Variants in CACNA2D4 observed in about 807,000 individuals in gnomAD.
CACNA2D4 encodes calcium voltage-gated channel auxiliary subunit alpha2delta 4.
A neutral mutation model predicts 163.8 loss-of-function variants in CACNA2D4; 157 were observed. The ratio of observed to expected loss-of-function variants is 0.96; its 90% CI spans 0.84 to 1.09. The LOEUF is 1.09. Among genes scored for constraint, CACNA2D4 ranks in the 50% least tolerant of loss-of-function variants. The probability of loss-of-function intolerance (pLI) is 0.00; values close to 1 mark genes in which losing one functional copy is unlikely to be tolerated. For missense variants in CACNA2D4, 1,410 were observed against 1,479.9 expected (o/e 0.95, Z 0.78); for synonymous variants, 598 against 586.9 (o/e 1.02, Z -0.27).
chr12:1,805,958 C>T (rs1363888008), intron 29 of CACNA2D4, among the ~76,000 whole-genome samples: 2 of 152,216 alleles, frequency 1.3e-5, no homozygotes, highest in African/African-American at 2.4e-5. Context: ...GAAAGGCATG[C>T]CTGATGCCCC....
At chr12:1,849,670 T>G (rs1399335985) in intron 23 of CACNA2D4, among the ~76,000 whole-genome samples, 5 of 152,244 alleles carry the variant, frequency 3.3e-5, no homozygotes, top group African/African-American at 1.2e-4. Flanking sequence ...TCTGTATCCA[T>G]CTCCTTGTTC....
intron 3 of CACNA2D4, among the ~76,000 whole-genome samples, chr12:1,911,317 AT>A (rs926103974): frequency 1.3e-5 from 2 of 151,258 alleles, no homozygotes; most frequent in African/African-American, 2.4e-5. Flanking sequence ...GCCTGGCACA[AT>A]TTTTTTTTCT....
intron 29 of CACNA2D4, among the ~76,000 whole-genome samples, chr12:1,808,650 A>T (rs1012206180): frequency 2.6e-5 from 4 of 152,102 alleles, no homozygotes; most frequent in African/African-American, 9.7e-5. Flanking sequence ...TCCAGGATGC[A>T]AGCTCTCTCT....
intron 3 of CACNA2D4, among the ~76,000 whole-genome samples, chr12:1,911,490 A>T (rs1432359617): frequency 2.0e-5 from 3 of 151,936 alleles, no homozygotes; most frequent in Non-Finnish European, 4.4e-5. Flanking sequence ...ATTGGGTAGG[A>T]TAATTCCTGC....
Position 1,844,159 on chromosome 12 carries a change from AT to A in CACNA2D4, c.2470+242del, listed in dbSNP as rs1266197918. Among the ~76,000 whole-genome samples the A allele has an allele frequency of 5.3e-5, 8 of 152,250 alleles. No individual in the cohort carries two copies. The East Asian group carries it at 1.5e-3, about 29-fold the overall frequency. The stretch of plus-strand genomic sequence containing the variant: ...GCTGGGTTTTTAAACTCCAACTTTG[AT>A]GGCTGGCTAGGGAATCAAATGATCA... On this transcript the variant is annotated intron_variant, in intron 25 of 37. Coordinates refer to ENST00000382722, the MANE Select transcript of CACNA2D4 (RefSeq NM_172364.5). This position sits in a 1 kb window ranked among gnomAD's most constrained non-coding sequence, Gnocchi z 4.2.
chr12:1,823,462 G>T (rs1864192577), intron 26 of CACNA2D4, among the ~76,000 whole-genome samples: 1 of 152,098 alleles, frequency 6.6e-6, no homozygotes, highest in Non-Finnish European at 1.5e-5. Context: ...GTGCTAGCAG[G>T]GAGGCAGCTC....
intron 6 of CACNA2D4, among the ~76,000 whole-genome samples, chr12:1,906,162 A>G (rs1866654470): frequency 6.6e-6 from 1 of 152,226 alleles, no homozygotes; most frequent in Non-Finnish European, 1.5e-5. Flanking sequence ...ACCAAATACC[A>G]TATACAAAAA....
chr12:1,805,591 T>C (rs983218710), intron 29 of CACNA2D4, among the ~76,000 whole-genome samples: 1 of 151,472 alleles, frequency 6.6e-6, no homozygotes, highest in South Asian at 2.1e-4. Context: ...TCTTAAGGAG[T>C]GTTTTGGACA....
chr12:1,867,820 C>T (rs796686465), intron 18 of CACNA2D4, among the ~76,000 whole-genome samples: 7 of 147,426 alleles, frequency 4.7e-5, no homozygotes, highest in African/African-American at 1.9e-4. Flanking sequence ...CCTGAATAGA[C>T]CTTTCTCAAA....
chr12:1,814,636 C>T (rs1863818049), intron 26 of CACNA2D4, among the ~76,000 whole-genome samples: 1 of 152,206 alleles, frequency 6.6e-6, no homozygotes, highest in Non-Finnish European at 1.5e-5. Flanking sequence ...ACTTTCCCTC[C>T]TCCCATCCAA....
chr12:1,811,651 A>C lies in CACNA2D4; in HGVS notation c.2613+11T>G, dbSNP rs1187575651. ...GTCCCCAGCCCCGACCTGGCCCGACATCACACCTACCTGCCGCGTTGCCGC... is the reference window on the plus strand; with the variant it reads ...GTCCCCAGCCCCGACCTGGCCCGACCTCACACCTACCTGCCGCGTTGCCGC... On this transcript the variant is annotated intron_variant, in intron 27 of 37. Transcript: ENST00000382722. 6.4e-7 allele frequency: 1 copy of C among 1,558,990 alleles called. No individual in the cohort carries two copies. Among genetic ancestry groups the C allele is most frequent in the East Asian group, 2.4e-5 (1 of 41,152 alleles).
In CACNA2D4 at chr12:1,853,952, C is replaced by A. The variant is rs571231247; in HGVS notation, c.2245G>T (p.Glu749Ter). Residue 749 changes from glutamate (E) to a stop codon, truncating the protein, a stop_gained and splice_region_variant, in exon 23 of 38, where the codon GAG (glutamate) becomes TAG (stop). Coordinates refer to ENST00000382722, the MANE Select transcript of CACNA2D4 (RefSeq NM_172364.5). LOFTEE classifies it high-confidence loss of function. Reference protein sequence around the residue: ...YWTALALNMSEESEHVVDMAF... With the variant: ...YWTALALNMS ...GGGAACCTGGGAACCTGGACCTACT[C>A]GGACATGTTGAGGGCCAGCGCTGTC... 3 of 1,612,138 alleles carry A rather than the reference C, an allele frequency of 1.9e-6. No individual in the cohort carries two copies. Among genetic ancestry groups the A allele is most frequent in the East Asian group, 2.2e-5 (1 of 44,820 alleles).
At chr12:1,862,569 T>C (rs1865547990) in intron 18 of CACNA2D4, among the ~76,000 whole-genome samples, 1 of 152,230 alleles carries the variant, frequency 6.6e-6, no homozygotes, top group Non-Finnish European at 1.5e-5. Context: ...CACACCACCA[T>C]GCCCAGCTAA....
intron 26 of CACNA2D4, among the ~76,000 whole-genome samples, chr12:1,832,578 A>T (rs1252581916): frequency 1.3e-5 from 2 of 152,212 alleles, no homozygotes; most frequent in Non-Finnish European, 2.9e-5. Flanking sequence ...ACTTTCATTT[A>T]ATCTCCAGCC....
At chr12:1,825,947 G>A (rs1430282643) in intron 26 of CACNA2D4, among the ~76,000 whole-genome samples, 1 of 152,216 alleles carries the variant, frequency 6.6e-6, no homozygotes, top group Non-Finnish European at 1.5e-5. Flanking sequence ...AAGAGAGATT[G>A]TGCTGAAGGT....
intron 23 of CACNA2D4, among the ~76,000 whole-genome samples, chr12:1,849,923 A>G (rs2154448105): frequency 6.6e-6 from 1 of 152,346 alleles, no homozygotes; most frequent in South Asian, 2.1e-4. Context: ...TCACAGCTGC[A>G]TAGAATTCCA....
In CACNA2D4 at chr12:1,913,045, C is replaced by G. The variant is rs753921645; in HGVS notation, c.404G>C (p.Arg135Pro). ...KFSEDMENML[R>P]RKVEAVQNLV... ...TACCTGGACCGCCTCGACTTTCCTC[C>G]GCAGCATGTTCTCCATGTCCTCTGA... Residue 135 changes from arginine (R) to proline (P), a missense_variant, in exon 3 of 38, where the codon CGG becomes CCG. Coordinates refer to ENST00000382722, the MANE Select transcript of CACNA2D4 (RefSeq NM_172364.5). 5 of 1,613,402 alleles carry G rather than the reference C, an allele frequency of 3.1e-6. No homozygotes were observed. The highest frequency in any genetic ancestry group is 4.2e-6 in the Non-Finnish European group (5 of 1,179,414).
At position 1,792,158 on chromosome 12, in the gene CACNA2D4, C is replaced by G. The variant is rs188409584; in HGVS notation, c.*1497G>C. On this transcript the variant is annotated 3_prime_UTR_variant, in exon 38 of 38. Transcript: ENST00000382722. ...GGGGCTGTTGTGAGGATGGAATGAGCTGAAACATGTTATTTGGTACATGTA... is the reference window on the plus strand; with the variant it reads ...GGGGCTGTTGTGAGGATGGAATGAGGTGAAACATGTTATTTGGTACATGTA... 24 of 152,298 alleles carry G rather than the reference C, an allele frequency of 1.6e-4. 1 individual carries two copies. The East Asian group carries it at 4.4e-3, about 28-fold the overall frequency. The allele number at this position is 152,298 out of a possible 1,614,324, so 9.4% of individuals were successfully genotyped here.
chr12:1,793,502 T>C lies in CACNA2D4; in HGVS notation c.*153A>G. ...ATTGGTTTCCTGTTCCATCCAGCAT[T>C]CTCCGGAGCCAGGGGCCACCAGCCC... is the stretch of plus-strand genomic sequence containing the variant. On this transcript the variant is annotated 3_prime_UTR_variant, in exon 38 of 38. Coordinates refer to ENST00000382722, the MANE Select transcript of CACNA2D4 (RefSeq NM_172364.5). 1 of 692,380 alleles carries C rather than the reference T, an allele frequency of 1.4e-6. No homozygotes were observed. Among genetic ancestry groups the C allele is most frequent in the Admixed American group, 2.1e-5 (1 of 47,218 alleles). The allele number at this position is 692,380 out of a possible 1,614,324, so 42.9% of individuals were successfully genotyped here.
Sources: allele counts gnomAD v4.1 joint callset (sites outside exome capture counted in the v4.1 genomes callset), GRCh38; gene constraint gnomAD v4.1.1; non-coding constraint Gnocchi (gnomAD v3.1); transcripts MANE v1.5; gene names NCBI Gene and HGNC (gene_info 2026-07-23, HGNC 2026-07-21).